The following GRM1 variants were observed in gnomAD, a reference collection of about 807,000 sequenced individuals.
GRM1 encodes the protein metabotropic glutamate receptor 1.
GRM1 carries 33 observed loss-of-function variants against 90.9 expected under a neutral mutation model. That is an observed-to-expected ratio of 0.36 (90% confidence interval 0.28 to 0.49). The LOEUF is 0.49. GRM1 is among the 20% of genes least tolerant of loss of function. The pLI, the probability that GRM1 is intolerant of heterozygous loss-of-function variation, is 0.99. For missense variants in GRM1, 1,190 were observed against 1,534.3 expected, an observed-to-expected ratio of 0.78 and a Z score of 3.75; for synonymous variants, 700 against 613.2, an observed-to-expected ratio of 1.14 and a Z score of -2.09.
intron 2 of GRM1, among the ~76,000 whole-genome samples, chr6:146,168,502 A>G (rs1196550737): frequency 6.6e-6 from 1 of 152,000 alleles, no homozygotes; most frequent in Non-Finnish European, 1.5e-5. Context: ...AAAAAATGAG[A>G]AAAATTAGCT....
chr6:146,252,375 C>T (rs1009594582), intron 2 of GRM1, among the ~76,000 whole-genome samples: 59 of 152,092 alleles, frequency 3.9e-4, no homozygotes, highest in African/African-American at 1.3e-3. Flanking sequence ...TGGTGGCTCA[C>T]GCCTGTAATC....
At chr6:146,048,118 C>T (rs540734332) in intron 1 of GRM1, among the ~76,000 whole-genome samples, 3 of 152,076 alleles carry the variant, frequency 2.0e-5, no homozygotes, top group East Asian at 1.9e-4. Context: ...CTCCATACAG[C>T]GTGTACCATA....
At chr6:146,417,144 A>T (rs888479851) in intron 7 of GRM1, among the ~76,000 whole-genome samples, 50 of 152,182 alleles carry the variant, frequency 3.3e-4, no homozygotes, top group Non-Finnish European at 4.4e-5. Context: ...GTCCTGTATC[A>T]AGAATCATCA....
At chr6:146,408,225 C>A (rs1777424040) in intron 7 of GRM1, among the ~76,000 whole-genome samples, 1 of 152,140 alleles carries the variant, frequency 6.6e-6, no homozygotes, top group Non-Finnish European at 1.5e-5. Flanking sequence ...CACCACCCTC[C>A]TGATCTAATT....
At chr6:146,162,660 C>G (rs1165435860) in intron 2 of GRM1, among the ~76,000 whole-genome samples, 2 of 152,090 alleles carry the variant, frequency 1.3e-5, no homozygotes, top group African/African-American at 4.8e-5. Context: ...ATAACAAAGT[C>G]ATTACAAAGG....
At chr6:146,289,113 T>TA (rs199971126) in intron 2 of GRM1, among the ~76,000 whole-genome samples, 8 of 150,992 alleles carry the variant, frequency 5.3e-5, no homozygotes, top group East Asian at 1.9e-4. Flanking sequence ...TTCTACATAC[T>TA]AAAAAAAAAG....
intron 2 of GRM1, among the ~76,000 whole-genome samples, chr6:146,184,044 A>G (rs1393518462): frequency 1.3e-5 from 2 of 152,288 alleles, no homozygotes; most frequent in African/African-American, 4.8e-5. Flanking sequence ...AGGACCTGGA[A>G]CACTGCTGGA....
chr6:146,064,790 C>CAA (rs1243017242), intron 1 of GRM1, among the ~76,000 whole-genome samples: 4 of 81,970 alleles, frequency 4.9e-5, no homozygotes, highest in African/African-American at 1.4e-4. Flanking sequence ...GACTCAGTCT[C>CAA]AAAAAAAAAA....
At chr6:146,359,852 T>C (rs1775397104) in intron 5 of GRM1, among the ~76,000 whole-genome samples, 1 of 152,134 alleles carries the variant, frequency 6.6e-6, no homozygotes, top group African/African-American at 2.4e-5. Context: ...AATGCAAAGC[T>C]CCTGGGGGCC....
chr6:146,312,886 G>C (rs370873404), intron 3 of GRM1, among the ~76,000 whole-genome samples: 1 of 152,168 alleles, frequency 6.6e-6, no homozygotes, highest in African/African-American at 2.4e-5. Flanking sequence ...GGGTGGACTG[G>C]TTCCCACACA....
At chr6:146,088,256 A>AT (rs1009710218) in intron 1 of GRM1, among the ~76,000 whole-genome samples, 1 of 151,708 alleles carries the variant, frequency 6.6e-6, no homozygotes, top group African/African-American at 2.4e-5. Flanking sequence ...GTGACAATAT[A>AT]TTTTTTTCTG....
intron 2 of GRM1, among the ~76,000 whole-genome samples, chr6:146,211,335 T>C (rs1779681088): frequency 6.9e-6 from 1 of 144,166 alleles, no homozygotes; most frequent in Non-Finnish European, 1.5e-5. Context: ...CAGAACCCAG[T>C]CTCTAATGAT....
chr6:146,057,508 G>A (rs966476406), intron 1 of GRM1, among the ~76,000 whole-genome samples: 2 of 152,074 alleles, frequency 1.3e-5, no homozygotes, highest in East Asian at 3.9e-4. Context: ...AGGATCACAA[G>A]AAAGCAATTA....
chr6:146,346,528 A>AT (rs1206907557), intron 3 of GRM1, among the ~76,000 whole-genome samples: 3 of 152,032 alleles, frequency 2.0e-5, no homozygotes, highest in Admixed American at 6.6e-5. Context: ...AGAGGAAACA[A>AT]TTCCCAGGTC....
At chr6:146,257,420 G>T (rs1311700230) in intron 2 of GRM1, among the ~76,000 whole-genome samples, 1 of 151,980 alleles carries the variant, frequency 6.6e-6, no homozygotes, top group Non-Finnish European at 1.5e-5. Flanking sequence ...AGTAGTCAGT[G>T]TATTATTCAG....
intron 2 of GRM1, among the ~76,000 whole-genome samples, chr6:146,248,858 T>G (rs1781167850): frequency 6.6e-6 from 1 of 152,194 alleles, no homozygotes; most frequent in Non-Finnish European, 1.5e-5. Context: ...GTGGAGATGG[T>G]CTCAGATGGA....
At chr6:146,423,368 A>G (rs1462880412) in intron 7 of GRM1, among the ~76,000 whole-genome samples, 2 of 152,200 alleles carry the variant, frequency 1.3e-5, no homozygotes, top group African/African-American at 4.8e-5. Context: ...CACTCCTTTC[A>G]TAAAAGCAAG....
At chr6:146,188,123 T>C (rs1778801240) in intron 2 of GRM1, among the ~76,000 whole-genome samples, 1 of 152,158 alleles carries the variant, frequency 6.6e-6, no homozygotes, top group Non-Finnish European at 1.5e-5. Flanking sequence ...CATTATAGAA[T>C]TAATGGGAAT....
At chr6:146,249,409 G>A (rs189632062) in intron 2 of GRM1, among the ~76,000 whole-genome samples, 31 of 152,180 alleles carry the variant, frequency 2.0e-4, no homozygotes, top group Non-Finnish European at 3.5e-4. Flanking sequence ...CCGCATCCCC[G>A]CGGTTCCAGC....
Sources: gnomAD v4.1 joint callset for allele counts (sites outside exome capture counted in the v4.1 genomes callset) on GRCh38, gnomAD v4.1.1 for gene constraint, MANE v1.5 for transcripts, NCBI Gene and HGNC (gene_info 2026-07-23, HGNC 2026-07-21) for gene names.